MAP4K5: variants seen among roughly 807,000 people sequenced by gnomAD.
The protein encoded by MAP4K5 is MAPK/ERK kinase kinase kinase 5.
In MAP4K5, 82 loss-of-function variants were observed where a neutral mutation model predicts 135.6. The observed-to-expected ratio is 0.60, with a 90% CI of 0.51 to 0.73. MAP4K5 has a LOEUF of 0.73. Among genes scored for constraint, MAP4K5 ranks in the 30% least tolerant of loss-of-function variants. The pLI, the probability that MAP4K5 is intolerant of heterozygous loss-of-function variation, is 0.00. For synonymous variants in MAP4K5, 347 were observed against 335.0 expected (o/e 1.04, Z -0.39); for missense variants, 907 against 1,010.9 (o/e 0.90, Z 1.39).
At chr14:50,517,377 C>T (rs952297128) in intron 2 of MAP4K5, among the ~76,000 whole-genome samples, 1 of 151,890 alleles carries the variant, frequency 6.6e-6, no homozygotes, top group Non-Finnish European at 1.5e-5. Context: ...GTCTCGAACT[C>T]CTGACCTCAG....
At chr14:50,453,041 G>C (rs2139764514) in intron 14 of MAP4K5, among the ~76,000 whole-genome samples, 1 of 152,264 alleles carries the variant, frequency 6.6e-6, no homozygotes, top group Middle Eastern at 3.4e-3. Flanking sequence ...GATGATACCT[G>C]TAGAGTCCCT....
chr14:50,422,136 T>C (rs1347194358), intron 32 of MAP4K5, among the ~76,000 whole-genome samples: 1 of 152,112 alleles, frequency 6.6e-6, no homozygotes. Context: ...CATCAGCCAC[T>C]GTGCCCGGCC....
At chr14:50,559,081 G>C (rs960749669) in intron 1 of MAP4K5, 1 of 152,228 alleles carries the variant, frequency 6.6e-6, no homozygotes, top group Non-Finnish European at 1.5e-5. Flanking sequence ...CTCTCTTCTA[G>C]AGGGCAGAAG....
Position 50,440,035 on chromosome 14 carries a change from A to G in MAP4K5, c.1683T>C (p.Asn561=). The G allele has an allele frequency of 1.3e-6, 2 of 1,554,728 alleles. No individual in the cohort carries two copies. Among genetic ancestry groups the G allele is most frequent in the African/African-American group, 1.4e-5 (1 of 73,092 alleles). ...PRKCTWLYVI[N]NTLMSLSEGK... ...TACCTGATAATGACATTAAAGTATT[A>G]TTGATAACATACAGCCAAGTACACT... Residue 561 remains asparagine (N), a synonymous_variant, in exon 23 of 33, where the codon AAT becomes AAC. Coordinates refer to ENST00000682126, the MANE Select transcript of MAP4K5 (RefSeq NM_006575.6).
At chr14:50,423,058 T>C (rs927556224) in intron 32 of MAP4K5, 63 bp downstream of exon 32, 3 of 726,282 alleles carry the variant, frequency 4.1e-6, no homozygotes, top group Non-Finnish European at 7.0e-6. Context: ...AGACTGACAG[T>C]ATAATTAAGA....
chr14:50,539,302 G>A (rs2038532802), intron 2 of MAP4K5, among the ~76,000 whole-genome samples: 1 of 152,114 alleles, frequency 6.6e-6, no homozygotes, highest in Admixed American at 6.5e-5. Flanking sequence ...GTAACAGTGA[G>A]GTTTACTAAA....
At chr14:50,480,939 C>T (rs557969594) in intron 6 of MAP4K5, among the ~76,000 whole-genome samples, 7 of 152,096 alleles carry the variant, frequency 4.6e-5, no homozygotes, top group Admixed American at 2.0e-4. Flanking sequence ...CTTATGGGAC[C>T]ACTGTTGTAT....
intron 2 of MAP4K5, among the ~76,000 whole-genome samples, chr14:50,507,478 G>A (rs2037835009): frequency 6.6e-6 from 1 of 152,024 alleles, no homozygotes; most frequent in African/African-American, 2.4e-5. Context: ...TTCTTTTGTG[G>A]GCATTTAGTG....
At chr14:50,498,758 G>C (rs894723355) in intron 3 of MAP4K5, among the ~76,000 whole-genome samples, 27 of 152,222 alleles carry the variant, frequency 1.8e-4, no homozygotes, top group African/African-American at 6.5e-4. Flanking sequence ...AAAAATTTTT[G>C]TTTATGTATT....
At chr14:50,504,960 A>G in intron 2 of MAP4K5, 103 bp from the exon 3 acceptor site, 3 of 622,418 alleles carry the variant, frequency 4.8e-6, no homozygotes, top group Non-Finnish European at 7.8e-6. Context: ...TACTTTTATC[A>G]AAACTAAAAA....
intron 13 of MAP4K5, among the ~76,000 whole-genome samples, chr14:50,457,877 C>A (rs987408942): frequency 6.6e-6 from 1 of 152,130 alleles, no homozygotes; most frequent in Non-Finnish European, 1.5e-5. Flanking sequence ...TAATTTCTTG[C>A]AAAAATTCTA....
Position 50,468,643 on chromosome 14 carries a change from G to T in MAP4K5, c.674+8C>A. 6.2e-7 allele frequency: 1 copy of T among 1,612,562 alleles called. No homozygotes were observed. The highest frequency in any genetic ancestry group is 8.5e-7 in the Non-Finnish European group (1 of 1,179,026). ...CAATAACTGGATAATTATAAATAAT[G>T]AGAACACCTCATTGGGTGGAGATCA... On this transcript the variant is annotated splice_region_variant and intron_variant, in intron 10 of 32. Transcript: ENST00000682126.
intron 2 of MAP4K5, among the ~76,000 whole-genome samples, chr14:50,528,096 T>C (rs1410633081): frequency 2.0e-5 from 3 of 152,004 alleles, no homozygotes; most frequent in Non-Finnish European, 2.9e-5. Flanking sequence ...AGCTGCTCAG[T>C]TGACATTTAA....
chr14:50,462,198 G>C (rs1451915789), intron 13 of MAP4K5, among the ~76,000 whole-genome samples: 3 of 152,030 alleles, frequency 2.0e-5, no homozygotes, highest in African/African-American at 4.8e-5. Context: ...TTGTTTTCTT[G>C]GTTGAAAGCA....
chr14:50,459,348 C>T (rs2036660025), intron 13 of MAP4K5, among the ~76,000 whole-genome samples: 1 of 152,088 alleles, frequency 6.6e-6, no homozygotes, highest in African/African-American at 2.4e-5. Context: ...TATTCCTTAC[C>T]TTCATGTCTT....
chr14:50,499,165 G>C (rs1013152351), intron 3 of MAP4K5, among the ~76,000 whole-genome samples: 1 of 151,676 alleles, frequency 6.6e-6, no homozygotes, highest in South Asian at 2.1e-4. Flanking sequence ...CTGAAGATAC[G>C]AAGAATTTGT....
chr14:50,526,298 G>GCTTTCTT (rs1240891965), intron 2 of MAP4K5, among the ~76,000 whole-genome samples: 8 of 151,972 alleles, frequency 5.3e-5, no homozygotes, highest in Non-Finnish European at 1.2e-4. Flanking sequence ...TTACATGTCT[G>GCTTTCTT]CTTTCTTTTT....
intron 14 of MAP4K5, chr14:50,449,975 T>A (rs918798941): frequency 6.6e-6 from 1 of 152,234 alleles, no homozygotes; most frequent in South Asian, 2.1e-4. Context: ...AGTCTCACAC[T>A]CTGTCGCCCA....
At chr14:50,522,283 T>TG (rs2038168398) in intron 2 of MAP4K5, among the ~76,000 whole-genome samples, 1 of 152,074 alleles carries the variant, frequency 6.6e-6, no homozygotes, top group Non-Finnish European at 1.5e-5. Context: ...TTGCTATACT[T>TG]GCACTAGTGA....
Sources: allele counts gnomAD v4.1 joint callset (sites outside exome capture counted in the v4.1 genomes callset), GRCh38; gene constraint gnomAD v4.1.1; transcripts MANE v1.5; gene names NCBI Gene and HGNC (gene_info 2026-07-23, HGNC 2026-07-21).